The following EIF2AK4 variants were observed in gnomAD, a reference collection of about 807,000 sequenced individuals.
The protein encoded by EIF2AK4 is eIF-2-alpha kinase GCN2.
EIF2AK4 carries 139 observed loss-of-function variants against 211.1 expected under a neutral mutation model. The observed-to-expected ratio is 0.66, with a 90% CI of 0.57 to 0.76. The LOEUF (loss-of-function observed/expected upper bound fraction) is 0.76. EIF2AK4 is among the 30% of genes least tolerant of loss of function. The pLI is 0.00. For missense variants in EIF2AK4, 1,664 were observed against 2,043.8 expected (o/e 0.81, Z 3.58); for synonymous variants, 710 against 751.3 (o/e 0.94, Z 0.90).
intron 13 of EIF2AK4, among the ~76,000 whole-genome samples, chr15:39,982,752 A>G (rs1057497625): frequency 2.0e-5 from 3 of 147,334 alleles, no homozygotes; most frequent in Non-Finnish European, 4.5e-5. Flanking sequence ...CCTTGTGCCC[A>G]TATGTTCTCA....
chr15:39,986,571 T>C (rs920746744), intron 14 of EIF2AK4, among the ~76,000 whole-genome samples: 2 of 152,156 alleles, frequency 1.3e-5, no homozygotes, highest in African/African-American at 4.8e-5. Flanking sequence ...TAAAACAAGT[T>C]GGCCGGGCAC....
chr15:39,978,045 T>G (rs542309122), intron 12 of EIF2AK4, 33 bp from the exon 13 acceptor site: 7 of 1,484,228 alleles, frequency 4.7e-6, no homozygotes, highest in Non-Finnish European at 6.5e-6. Context: ...TAGGGATTTC[T>G]GTTCCTTTAG....
Position 39,946,783 on chromosome 15 carries a change from G to T in EIF2AK4, c.361-2333G>T, listed in dbSNP as rs923732894. On this transcript the variant is annotated intron_variant, in intron 3 of 38. Coordinates refer to ENST00000263791, the MANE Select transcript of EIF2AK4 (RefSeq NM_001013703.4). ...CCTTCACCAGCCACCACCTTGATCA[G>T]TCAGCAGCCATCATCAAGACAAAAC... The T allele has an allele frequency of 1.6e-5, 10 of 630,684 alleles. No individual in the cohort carries two copies. The African/African-American group carries it at 1.6e-4, about 10-fold the overall frequency. The allele number at this position is 630,684 out of a possible 1,614,324, so 39.1% of individuals were successfully genotyped here.
intron 1 of EIF2AK4, among the ~76,000 whole-genome samples, chr15:39,936,723 C>G (rs2034070089): frequency 6.6e-6 from 1 of 152,150 alleles, no homozygotes; most frequent in South Asian, 2.1e-4. Context: ...ATCCAAAACT[C>G]TTGAGACTTG....
chr15:40,009,934 C>T (rs2035213674), intron 26 of EIF2AK4, among the ~76,000 whole-genome samples: 1 of 152,142 alleles, frequency 6.6e-6, no homozygotes, highest in Admixed American at 6.5e-5. Flanking sequence ...GCTTTTGTTC[C>T]ATCCTCAGCC....
At chr15:39,937,564 A>G (rs1165316263) in intron 1 of EIF2AK4, among the ~76,000 whole-genome samples, 5 of 152,180 alleles carry the variant, frequency 3.3e-5, no homozygotes, top group Non-Finnish European at 5.9e-5. Context: ...AAAAATGTTG[A>G]TAGAGTCAAA....
intron 3 of EIF2AK4, among the ~76,000 whole-genome samples, chr15:39,948,697 A>G (rs955532748): frequency 6.6e-6 from 1 of 152,222 alleles, no homozygotes; most frequent in Non-Finnish European, 1.5e-5. Flanking sequence ...GATCTTAGCA[A>G]TGAGTATTCT....
At chr15:39,992,347 A>T in intron 17 of EIF2AK4, 118 bp downstream of exon 17, 1 of 741,980 alleles carries the variant, frequency 1.3e-6, no homozygotes, top group East Asian at 2.8e-5. Context: ...ATTGCTCCTT[A>T]AGTTAACAAA....
At position 39,967,782 on chromosome 15, in the gene EIF2AK4, C is replaced by G; in HGVS notation, c.1456C>G (p.Leu486Val). 9 of 1,614,232 alleles carry G rather than the reference C, an allele frequency of 5.6e-6. No homozygotes were observed. Among genetic ancestry groups the G allele is most frequent in the Non-Finnish European group, 7.6e-6 (9 of 1,180,044 alleles). The change falls in exon 9 of 39, where the codon CTT becomes GTT. Residue 486 changes from leucine to valine, a missense_variant. Leu to Val is a conservative substitution (Grantham distance 32). Coordinates refer to ENST00000263791, the MANE Select transcript of EIF2AK4 (RefSeq NM_001013703.4). Reference protein sequence around the residue: ...GKKGDVWRLGLLLLSLSQGQE... With the variant: ...GKKGDVWRLGVLLLSLSQGQE... ...GAAAGGAGATGTTTGGCGTCTTGGC[C>G]TTCTGCTGCTGTCCCTCAGCCAAGG... is the stretch of plus-strand genomic sequence containing the variant.
chr15:40,014,575 GGGGGGCCCTGGGGC>G (rs1567005562), intron 27 of EIF2AK4, among the ~76,000 whole-genome samples: 1 of 152,244 alleles, frequency 6.6e-6, no homozygotes, highest in Non-Finnish European at 1.5e-5. Flanking sequence ...ACATAGAGGA[GGGGGGCCCTGGGGC>G]CAGCCCACGA....
At chr15:40,022,857 C>G (rs2035411917) in intron 32 of EIF2AK4, among the ~76,000 whole-genome samples, 1 of 152,184 alleles carries the variant, frequency 6.6e-6, no homozygotes, top group Admixed American at 6.5e-5. Context: ...CCTCAGCCTC[C>G]CCGGTAGCTG....
intron 29 of EIF2AK4, among the ~76,000 whole-genome samples, chr15:40,018,734 A>G (rs2035342929): frequency 6.6e-6 from 1 of 152,242 alleles, no homozygotes; most frequent in Admixed American, 6.5e-5. Flanking sequence ...CATGTACTCA[A>G]ACTTCTAAAA....
Position 39,992,726 on chromosome 15 carries a change from G to C in EIF2AK4, c.2687-43G>C, listed in dbSNP as rs1228110906. The C allele has an allele frequency of 1.9e-6, 3 of 1,546,150 alleles. No individual in the cohort carries two copies. The East Asian group carries it at 6.7e-5, about 35-fold the overall frequency. On this transcript the variant is annotated intron_variant, in intron 17 of 38. Transcript: ENST00000263791. ...TGTTTTTAGTTTGTGTCTTCTGTAA[G>C]TGCTATTATTGGGACGTTTTCCCTC...
At chr15:39,937,355 G>C (rs1241284617) in intron 1 of EIF2AK4, among the ~76,000 whole-genome samples, 1 of 151,928 alleles carries the variant, frequency 6.6e-6, no homozygotes, top group African/African-American at 2.4e-5. Flanking sequence ...AAATTATCTA[G>C]AACACCTTTG....
chr15:39,980,466 A>G (rs1306440884), intron 13 of EIF2AK4, among the ~76,000 whole-genome samples: 2 of 152,252 alleles, frequency 1.3e-5, no homozygotes, highest in African/African-American at 4.8e-5. Context: ...AATTGTGAAT[A>G]CAAATAGAGC....
At chr15:40,021,188 T>G (rs1363821117) in intron 31 of EIF2AK4, among the ~76,000 whole-genome samples, 161 bp downstream of exon 31, 3 of 152,214 alleles carry the variant, frequency 2.0e-5, no homozygotes, top group Admixed American at 2.0e-4. Flanking sequence ...TACCACAAAC[T>G]TACTGGCTTA....
chr15:40,032,741 T>C lies in EIF2AK4; in HGVS notation c.4729-16T>C. The C allele has an allele frequency of 6.2e-7, 1 of 1,612,238 alleles. No homozygotes were observed. The highest frequency in any genetic ancestry group is 1.1e-5 in the South Asian group (1 of 90,758). ...TGTGCTGCTGAGAGTTGATGTACATTTGTGTGTATTCACAGGTGGATCTAC... is the reference window on the plus strand; with the variant it reads ...TGTGCTGCTGAGAGTTGATGTACATCTGTGTGTATTCACAGGTGGATCTAC... On this transcript the variant is annotated splice_polypyrimidine_tract_variant and intron_variant, in intron 36 of 38. Coordinates refer to ENST00000263791, the MANE Select transcript of EIF2AK4 (RefSeq NM_001013703.4).
chr15:39,978,421 G>C (rs997370003), intron 13 of EIF2AK4: 2 of 199,868 alleles, frequency 1.0e-5, no homozygotes, highest in African/African-American at 4.6e-5. Flanking sequence ...TTTTCTAAGG[G>C]TTTGGGAAAC....
In EIF2AK4 at chr15:40,030,346, C is replaced by T; in HGVS notation, c.4562-13C>T. ...AGATAAGGCCATAAATTCTGAAACT[C>T]TCTTGGTCTCAGGTTTGTTTGAAAT... On this transcript the variant is annotated splice_polypyrimidine_tract_variant and intron_variant, in intron 34 of 38. Transcript: ENST00000263791. The T allele has an allele frequency of 2.5e-6, 4 of 1,613,178 alleles. No homozygotes were observed. The highest frequency in any genetic ancestry group is 3.4e-6 in the Non-Finnish European group (4 of 1,179,530).
Sources: gnomAD v4.1 joint callset for allele counts (sites outside exome capture counted in the v4.1 genomes callset) on GRCh38, gnomAD v4.1.1 for gene constraint, MANE v1.5 for transcripts, NCBI Gene and HGNC (gene_info 2026-07-23, HGNC 2026-07-21) for gene names.